ERCC1: variants seen among roughly 807,000 people sequenced by gnomAD.
The protein encoded by ERCC1 is ERCC excision repair 1, endonuclease non-catalytic subunit, also known as DNA excision repair protein ERCC-1.
ERCC1 carries 36 observed loss-of-function variants against 37.6 expected under a neutral mutation model. The observed-to-expected ratio is 0.96, with a 90% CI of 0.73 to 1.26. The LOEUF (loss-of-function observed/expected upper bound fraction) is 1.26. ERCC1 is among the 50% of genes most tolerant of loss of function. The probability of loss-of-function intolerance (pLI) is 0.00; values close to 1 mark genes in which losing one functional copy is unlikely to be tolerated. For missense variants in ERCC1, 349 were observed against 376.5 expected (o/e 0.93, Z 0.60); for synonymous variants, 156 against 162.1 (o/e 0.96, Z 0.28).
rs527715200 is a variant in ERCC1, at chr19:45,409,550, T to C, written c.*125A>G. 4 of 1,574,402 alleles carry C rather than the reference T, an allele frequency of 2.5e-6. No homozygotes were observed. In the African/African-American group the frequency reaches 5.4e-5, roughly 21 times the overall value. On this transcript the variant is annotated 3_prime_UTR_variant, in exon 10 of 10. Transcript: ENST00000300853. ...CTAAAGAAAGCTGAAGGTGCCCACCTGGGCCACCAGAAGGTGACACCCCCA... is the reference window on the plus strand; with the variant it reads ...CTAAAGAAAGCTGAAGGTGCCCACCCGGGCCACCAGAAGGTGACACCCCCA...
At chr19:45,443,248 C>T (rs922858254) in intron 1 of ERCC1, among the ~76,000 whole-genome samples, 2 of 152,142 alleles carry the variant, frequency 1.3e-5, no homozygotes, top group Non-Finnish European at 2.9e-5. Context: ...GGGATGGGGT[C>T]CGCCCAGGGG....
Position 45,421,137 on chromosome 19 carries a change from C to A in ERCC1, c.321+41G>T, listed in dbSNP as rs4987167. The A allele has an allele frequency of 1.2e-4, 185 of 1,576,360 alleles. No individual in the cohort carries two copies. In the African/African-American group the frequency reaches 2.2e-3, roughly 18 times the overall value. On this transcript the variant is annotated intron_variant, in intron 3 of 9. Coordinates refer to ENST00000300853, the MANE Select transcript of ERCC1 (RefSeq NM_001983.4). ...GTCATCCCTAGAACAGCGTTTCCCA[C>A]TGAAAACCTCAAGGCCTCACTTCTC...
intron 1 of ERCC1, among the ~76,000 whole-genome samples, chr19:45,430,236 G>A (rs1301739636): frequency 2.0e-5 from 3 of 152,176 alleles, no homozygotes; most frequent in South Asian, 2.1e-4. Context: ...AAAAGGTGCT[G>A]GTGATAAAAT....
chr19:45,440,318 C>T (rs1975088386), intron 1 of ERCC1, among the ~76,000 whole-genome samples: 1 of 152,104 alleles, frequency 6.6e-6, no homozygotes, highest in African/African-American at 2.4e-5. Context: ...TTCCCCTCTC[C>T]ACCCTCATCG....
At chr19:45,426,794 A>G (rs1022483853), upstream of ERCC1, among the ~76,000 whole-genome samples, 7 of 151,176 alleles carry the variant, frequency 4.6e-5, no homozygotes, top group Non-Finnish European at 1.0e-4. Context: ...CCCCATCTCT[A>G]CAAAAAAACA....
chr19:45,414,821 G>A lies in ERCC1; in HGVS notation c.702+40C>T, dbSNP rs757274874. 7.8e-6 allele frequency: 11 copies of A among 1,418,166 alleles called. No homozygotes were observed. In the East Asian group the frequency reaches 1.1e-4, roughly 15 times the overall value. The allele number at this position is 1,418,166 out of a possible 1,614,324, so 87.8% of individuals were successfully genotyped here. On this transcript the variant is annotated intron_variant, in intron 7 of 9. Transcript: ENST00000300853. ...TGAAGCTCAACCACCCAGGAGCTGC[G>A]GGGAGGCCCAGGCAGGGATGGGAGG...
intron 1 of ERCC1, among the ~76,000 whole-genome samples, chr19:45,443,874 C>A (rs1485199146): frequency 6.6e-6 from 1 of 151,926 alleles, no homozygotes; most frequent in Non-Finnish European, 1.5e-5. Context: ...AACCGGCAAA[C>A]CTCTCTCCTC....
chr19:45,434,640 C>T (rs565898164), intron 1 of ERCC1, among the ~76,000 whole-genome samples: 1 of 152,290 alleles, frequency 6.6e-6, no homozygotes, highest in South Asian at 2.1e-4. Context: ...GGCTGGAGTG[C>T]AGTGGTACGA....
At chr19:45,416,014 A>C (rs973328322) in intron 6 of ERCC1, among the ~76,000 whole-genome samples, 1 of 152,138 alleles carries the variant, frequency 6.6e-6, no homozygotes, top group Non-Finnish European at 1.5e-5. Flanking sequence ...GCGTGCCTTT[A>C]GTCTCAGCTG....
chr19:45,437,900 G>T (rs1443260459), intron 1 of ERCC1, among the ~76,000 whole-genome samples: 1 of 150,942 alleles, frequency 6.6e-6, no homozygotes, highest in Admixed American at 6.6e-5. Flanking sequence ...GTCACTACGT[G>T]TTCTCATCTG....
chr19:45,422,627 C>T (rs1174898664), intron 2 of ERCC1, among the ~76,000 whole-genome samples: 1 of 151,960 alleles, frequency 6.6e-6, no homozygotes, highest in Admixed American at 6.6e-5. Flanking sequence ...TAGCCAGGCG[C>T]GCTCCTGTAA....
At chr19:45,437,119 C>A (rs73564949) in intron 1 of ERCC1, among the ~76,000 whole-genome samples, 1 of 151,838 alleles carries the variant, frequency 6.6e-6, no homozygotes, top group African/African-American at 2.4e-5. Context: ...CGTTGTGACA[C>A]ACGCCCGTAA....
intron 1 of ERCC1, 197 bp from the exon 2 acceptor site, chr19:45,423,578 G>A: frequency 7.0e-7 from 1 of 1,419,660 alleles, no homozygotes; most frequent in Non-Finnish European, 9.2e-7. Flanking sequence ...GCCCCTTACA[G>A]GTCCACAAGT....
upstream of ERCC1, among the ~76,000 whole-genome samples, chr19:45,427,481 G>T (rs2123559091): frequency 1.3e-5 from 2 of 152,220 alleles, no homozygotes; most frequent in Middle Eastern, 6.8e-3. Context: ...CGGGCGTGGT[G>T]GCGGACGCCT....
chr19:45,417,493 T>C (rs948125936), intron 5 of ERCC1, among the ~76,000 whole-genome samples: 1 of 151,818 alleles, frequency 6.6e-6, no homozygotes, highest in African/African-American at 2.4e-5. Context: ...AAGAACAGCA[T>C]GGGCAAAGGA....
chr19:45,436,462 T>G (rs552970696), intron 1 of ERCC1, among the ~76,000 whole-genome samples: 1 of 151,870 alleles, frequency 6.6e-6, no homozygotes, highest in South Asian at 2.1e-4. Context: ...CTGTCTCTAC[T>G]AAAAATACAA....
chr19:45,441,324 G>GC (rs1402264635), intron 1 of ERCC1, among the ~76,000 whole-genome samples: 1 of 152,210 alleles, frequency 6.6e-6, no homozygotes, highest in East Asian at 1.9e-4. Flanking sequence ...CTTGGGCCTG[G>GC]CCCTGACCCT....
intron 1 of ERCC1, among the ~76,000 whole-genome samples, chr19:45,442,268 C>T (rs549662876): frequency 2.6e-4 from 38 of 148,830 alleles, no homozygotes; most frequent in African/African-American, 8.7e-4. Context: ...TGCAGTGAAC[C>T]GAGATGGCAC....
At chr19:45,433,062 A>G (rs1974875448) in intron 1 of ERCC1, among the ~76,000 whole-genome samples, 1 of 151,802 alleles carries the variant, frequency 6.6e-6, no homozygotes, top group African/African-American at 2.4e-5. Flanking sequence ...CCTGGGCAAC[A>G]AGAATGAAAC....
Sources: gnomAD v4.1 joint callset for allele counts (sites outside exome capture counted in the v4.1 genomes callset) on GRCh38, gnomAD v4.1.1 for gene constraint, MANE v1.5 for transcripts, NCBI Gene and HGNC (gene_info 2026-07-23, HGNC 2026-07-21) for gene names.